PTAR1: variants seen among roughly 807,000 people sequenced by gnomAD.
PTAR1 encodes the protein protein prenyltransferase alpha subunit repeat containing 1.
In PTAR1, 17 loss-of-function variants were observed where a neutral mutation model predicts 45.5. That is an observed-to-expected ratio of 0.37 (90% CI 0.26 to 0.56). The LOEUF (loss-of-function observed/expected upper bound fraction) is 0.56. PTAR1 is among the 20% of genes least tolerant of loss of function. PTAR1 has a pLI of 0.77. For missense variants in PTAR1, 391 were observed against 476.3 expected, an observed-to-expected ratio of 0.82 and a Z score of 1.67; for synonymous variants, 169 against 171.3, an observed-to-expected ratio of 0.99 and a Z score of 0.11.
chr9:69,752,404 T>G (rs1218665413), intron 1 of PTAR1, among the ~76,000 whole-genome samples: 1 of 152,084 alleles, frequency 6.6e-6, no homozygotes, highest in Non-Finnish European at 1.5e-5. Context: ...ATCACTTCAT[T>G]AGTGGCACAG....
chr9:69,717,414 TA>T lies in PTAR1; in HGVS notation c.*927del, dbSNP rs34238737. 6.6e-6 allele frequency: 1 copy of T among 152,152 alleles called. No homozygotes were observed. Among genetic ancestry groups the T allele is most frequent in the African/African-American group, 2.4e-5 (1 of 41,446 alleles). 9.4% of individuals were successfully genotyped at this position (152,152 alleles called of 1,614,324 possible). ...GTTTTGGCATATACCAAATTTGAGG[TA>T]AAAATAATCTATCAAAACTAGCAAT... On this transcript the variant is annotated 3_prime_UTR_variant, in exon 8 of 8. Coordinates refer to ENST00000340434, the MANE Select transcript of PTAR1 (RefSeq NM_001099666.2).
rs1825582763 is a variant in PTAR1, at chr9:69,732,428, T to C, written c.429-76A>G. 5.7e-6 allele frequency: 6 copies of C among 1,056,236 alleles called. No homozygotes were observed. The Admixed American group carries it at 1.2e-4, about 21-fold the overall frequency. The allele number at this position is 1,056,236 out of a possible 1,614,324, so 65.4% of individuals were successfully genotyped here. The stretch of plus-strand genomic sequence containing the variant: ...GAGAAAAATAACCAGTTTTCATTGT[T>C]CCTAATTTAATTTCCATTCAGAGAC... On this transcript the variant is annotated intron_variant, in intron 4 of 7. Transcript: ENST00000340434.
chr9:69,739,004 C>T (rs1018077768), intron 3 of PTAR1, among the ~76,000 whole-genome samples: 1 of 152,008 alleles, frequency 6.6e-6, no homozygotes, highest in Non-Finnish European at 1.5e-5. Context: ...GATGGGGTTT[C>T]ACCATATTGG....
chr9:69,738,615 C>T (rs1289623657), intron 3 of PTAR1, among the ~76,000 whole-genome samples: 1 of 152,030 alleles, frequency 6.6e-6, no homozygotes, highest in Non-Finnish European at 1.5e-5. Context: ...TTTTCATATC[C>T]CACCATATAT....
chr9:69,718,437 T>A lies in PTAR1; in HGVS notation c.1114A>T (p.Arg372Trp). ...PDSLGLEMEH[R>W]FIDQVLSTCR... ...GTGGACAATACTTGATCAATGAACCTGTGCTCCATTTCTAGGCCTAGGGAG... is the reference window on the plus strand; with the variant it reads ...GTGGACAATACTTGATCAATGAACCAGTGCTCCATTTCTAGGCCTAGGGAG... Residue 372 changes from arginine to tryptophan, a missense_variant, in exon 8 of 8, where the codon AGG (arginine) becomes TGG (tryptophan). Coordinates refer to ENST00000340434, the MANE Select transcript of PTAR1 (RefSeq NM_001099666.2). The A allele has an allele frequency of 1.2e-6, 2 of 1,613,726 alleles. No homozygotes were observed. Among genetic ancestry groups the A allele is most frequent in the Non-Finnish European group, 1.7e-6 (2 of 1,179,716 alleles).
intron 1 of PTAR1, among the ~76,000 whole-genome samples, chr9:69,752,040 G>A (rs77348801): frequency 6.6e-6 from 1 of 152,060 alleles, no homozygotes; most frequent in African/African-American, 2.4e-5. Context: ...CAAACAGAAT[G>A]TCCTCTGTTT....
intron 1 of PTAR1, among the ~76,000 whole-genome samples, 182 bp downstream of exon 1, chr9:69,759,667 CGGTA>C (rs1826989732): frequency 6.6e-6 from 1 of 152,084 alleles, no homozygotes; most frequent in Admixed American, 6.5e-5. Context: ...GAGCGCGTCC[CGGTA>C]GCGGAAAGCC....
Position 69,732,232 on chromosome 9 carries a change from G to A in PTAR1, c.549C>T (p.Val183=), listed in dbSNP as rs1323152491. The change falls in exon 5 of 8, where the codon GTC becomes GTT. Residue 183 remains valine, a synonymous_variant. Coordinates refer to ENST00000340434, the MANE Select transcript of PTAR1 (RefSeq NM_001099666.2). ...AQRLIQEEME[V]CGEAAGRYPS... is the part of the protein sequence containing the mutation. ...GGTATCTCCCTGCTGCTTCACCACA[G>A]ACCTCCATCTCTTCTTGTATGAGTC... is the stretch of plus-strand genomic sequence containing the variant. 6.2e-7 allele frequency: 1 copy of A among 1,613,688 alleles called. No homozygotes were observed. Among genetic ancestry groups the A allele is most frequent in the Non-Finnish European group, 8.5e-7 (1 of 1,179,780 alleles).
At chr9:69,738,809 ATT>A (rs34148439) in intron 3 of PTAR1, among the ~76,000 whole-genome samples, 123 of 137,056 alleles carry the variant, frequency 9.0e-4, no homozygotes, top group South Asian at 2.8e-3. Context: ...TAACACCTCA[ATT>A]TTTTTTTTTT....
intron 5 of PTAR1, among the ~76,000 whole-genome samples, chr9:69,728,641 T>A (rs1251556492): frequency 6.6e-6 from 1 of 152,212 alleles, no homozygotes. Flanking sequence ...AATGACTATA[T>A]GTGCTTTTTT....
At chr9:69,741,711 C>T in intron 3 of PTAR1, 81 bp downstream of exon 3, 4 of 916,194 alleles carry the variant, frequency 4.4e-6, no homozygotes, top group Middle Eastern at 2.2e-4. Flanking sequence ...ATTTCGTTTT[C>T]AAAAGCTAAC....
chr9:69,711,290 G>A lies in PTAR1; in HGVS notation c.*7052C>T, dbSNP rs1274632286. The A allele has an allele frequency of 6.6e-6, 1 of 152,196 alleles. No homozygotes were observed. The highest frequency in any genetic ancestry group is 1.5e-5 in the Non-Finnish European group (1 of 68,030). 9.4% of individuals were successfully genotyped at this position (152,196 alleles called of 1,614,324 possible). On this transcript the variant is annotated 3_prime_UTR_variant, in exon 8 of 8. Transcript: ENST00000340434. ...TCATGCATCAAGAACCTCGCCAGGA[G>A]GCAATGCCTAATTACATTTGTACTA... is the stretch of plus-strand genomic sequence containing the variant.
Position 69,714,662 on chromosome 9 carries a change from A to C in PTAR1, c.*3680T>G, listed in dbSNP as rs1199256595. 1 of 152,130 alleles carries C rather than the reference A, an allele frequency of 6.6e-6. No individual in the cohort carries two copies. Among genetic ancestry groups the C allele is most frequent in the Non-Finnish European group, 1.5e-5 (1 of 68,000 alleles). 9.4% of individuals were successfully genotyped at this position (152,130 alleles called of 1,614,324 possible). On this transcript the variant is annotated 3_prime_UTR_variant, in exon 8 of 8. Coordinates refer to ENST00000340434, the MANE Select transcript of PTAR1 (RefSeq NM_001099666.2). The stretch of plus-strand genomic sequence containing the variant: ...CTTTTGTTTCCGTATCTTGTATCAC[A>C]TAAGCCCTTATTTAAAAATTTAAGT...
At chr9:69,719,205 C>T (rs1824871059) in intron 6 of PTAR1, among the ~76,000 whole-genome samples, 1 of 152,118 alleles carries the variant, frequency 6.6e-6, no homozygotes, top group Non-Finnish European at 1.5e-5. Flanking sequence ...GTCAACTGAA[C>T]TTTACCCTAA....
Position 69,730,620 on chromosome 9 carries a change from C to T in PTAR1, c.642+1519G>A, listed in dbSNP as rs77118906. 4.5e-3 allele frequency among the ~76,000 whole-genome samples: 660 copies of T among 147,670 alleles called. 6 individuals carry two copies. The highest frequency in any genetic ancestry group is 0.016 in the African/African-American group (624 of 39,760). On this transcript the variant is annotated intron_variant, in intron 5 of 7. Transcript: ENST00000340434. ...TCCTTCCCCCGGCAGCTATTTCCAACGAGCGCATCCTAGATGAAGAACGAT... is the reference window on the plus strand; with the variant it reads ...TCCTTCCCCCGGCAGCTATTTCCAATGAGCGCATCCTAGATGAAGAACGAT...
chr9:69,711,751 A>G lies in PTAR1; in HGVS notation c.*6591T>C, dbSNP rs185677623. 3.3e-4 allele frequency: 50 copies of G among 152,250 alleles called. No individual in the cohort carries two copies. The highest frequency in any genetic ancestry group is 1.2e-3 in the African/African-American group (49 of 41,578). 9.4% of individuals were successfully genotyped at this position (152,250 alleles called of 1,614,324 possible). ...AATCTTTCACATCTCCTATCTTTCA[A>G]CTATGTTCTGTATAAATAATACTTC... On this transcript the variant is annotated 3_prime_UTR_variant, in exon 8 of 8. Transcript: ENST00000340434.
intron 2 of PTAR1, among the ~76,000 whole-genome samples, chr9:69,747,868 G>A (rs906966597): frequency 5.9e-5 from 9 of 152,284 alleles, no homozygotes; most frequent in African/African-American, 1.7e-4. Flanking sequence ...ATATAAACTG[G>A]AGGAAAAACT....
rs778897750 is a variant in PTAR1 at position 69,759,952 on chromosome 9, G to C, written c.-14C>G. On this transcript the variant is annotated 5_prime_UTR_variant, in exon 1 of 8. Coordinates refer to ENST00000340434, the MANE Select transcript of PTAR1 (RefSeq NM_001099666.2). ...GGTCTCGGCCATGTTGGCGGCGGCC[G>C]CGACAGTTCGGGCGCGCCTCCGCGT... The C allele has an allele frequency of 5.4e-6, 8 of 1,487,972 alleles. No homozygotes were observed. In the East Asian group the frequency reaches 1.2e-4, roughly 22 times the overall value. 92.2% of individuals were successfully genotyped at this position (1,487,972 alleles called of 1,614,324 possible). A position where few individuals can be genotyped will look rare whatever the true frequency, so the allele number is the denominator to read the frequency against.
intron 6 of PTAR1, among the ~76,000 whole-genome samples, 192 bp from the exon 7 acceptor site, chr9:69,718,876 A>G (rs181902429): frequency 5.3e-4 from 81 of 152,342 alleles, no homozygotes; most frequent in African/African-American, 1.8e-3. Context: ...AGAAAGCCTT[A>G]TAACTCCAGC....
Sources: gnomAD v4.1 joint callset for allele counts (sites outside exome capture counted in the v4.1 genomes callset) on GRCh38, gnomAD v4.1.1 for gene constraint, MANE v1.5 for transcripts, NCBI Gene and HGNC (gene_info 2026-07-23, HGNC 2026-07-21) for gene names.